Variants in SNTG1 observed in about 807,000 individuals in gnomAD.
The protein encoded by SNTG1 is gamma-1-syntrophin.
A neutral mutation model predicts 74.7 loss-of-function variants in SNTG1; 39 were observed. The ratio of observed to expected loss-of-function variants is 0.52; its 90% confidence interval spans 0.40 to 0.68. The LOEUF (loss-of-function observed/expected upper bound fraction) is 0.68. Among genes scored for constraint, SNTG1 ranks in the 30% least tolerant of loss-of-function variants. SNTG1 has a pLI of 0.00. For missense variants in SNTG1, 685 were observed against 609.5 expected, an observed-to-expected ratio of 1.12 and a Z score of -1.30; for synonymous variants, 254 against 217.1, an observed-to-expected ratio of 1.17 and a Z score of -1.49.
Position 50,125,318 on chromosome 8 carries a change from T to A in SNTG1, c.-102-47243T>A, listed in dbSNP as rs560388692. ...TCTAAATATAACTATAATCAACACT[T>A]GTTTTTCTTTCCTATAAACAGTATC... is the stretch of plus-strand genomic sequence containing the variant. On this transcript the variant is annotated intron_variant, in intron 1 of 18. Coordinates refer to ENST00000642720, the MANE Select transcript of SNTG1 (RefSeq NM_018967.5). 1.1e-4 allele frequency among the ~76,000 whole-genome samples: 16 copies of A among 142,820 alleles called. 3 individuals carry two copies. Among genetic ancestry groups the A allele is most frequent in the African/African-American group, 3.8e-4 (15 of 39,616 alleles). The allele number at this position is 142,820 out of a possible 152,430, so 93.7% of individuals were successfully genotyped here. A position where few individuals can be genotyped will look rare whatever the true frequency, so the allele number is the denominator to read the frequency against.
At chr8:50,558,441 G>A (rs1004034878) in intron 12 of SNTG1, among the ~76,000 whole-genome samples, 2 of 152,102 alleles carry the variant, frequency 1.3e-5, no homozygotes, top group Non-Finnish European at 2.9e-5. Flanking sequence ...GGGAGATAAA[G>A]GAAGCAAGAA....
intron 1 of SNTG1, among the ~76,000 whole-genome samples, chr8:50,126,949 C>T (rs1189511533): frequency 6.6e-6 from 1 of 152,050 alleles, no homozygotes. Context: ...TTGGAGGCAG[C>T]ATGCTTTTAC....
chr8:50,324,410 T>G (rs2090652908), intron 2 of SNTG1, among the ~76,000 whole-genome samples: 1 of 152,296 alleles, frequency 6.6e-6, no homozygotes, highest in Admixed American at 6.5e-5. Context: ...CTTTCCATAA[T>G]ATAAAGTTTA....
chr8:50,041,148 G>A lies in SNTG1; in HGVS notation c.-103+128917G>A, dbSNP rs945432882. ...CGACCTCAGATGATCCATCTGCCTC[G>A]GCCTCCCAAAGTGCTGGGATTACAG... On this transcript the variant is annotated intron_variant, in intron 1 of 18. Coordinates refer to ENST00000642720, the MANE Select transcript of SNTG1 (RefSeq NM_018967.5). 7.2e-5 allele frequency among the ~76,000 whole-genome samples: 11 copies of A among 151,986 alleles called. No individual in the cohort carries two copies. The South Asian group carries it at 8.3e-4, about 11-fold the overall frequency.
rs752720347 is a variant in SNTG1, at chr8:50,502,767, CT to C, written c.364-4del. 1.2e-6 allele frequency: 2 copies of C among 1,602,036 alleles called. No homozygotes were observed. Among genetic ancestry groups the C allele is most frequent in the South Asian group, 1.1e-5 (1 of 90,128 alleles). On this transcript the variant is annotated splice_polypyrimidine_tract_variant and intron_variant, in intron 8 of 18. Transcript: ENST00000642720. The stretch of plus-strand genomic sequence containing the variant: ...TAATGATGATTGTATTCTTTTTATT[CT>C]TTTTTTCAGGTTCAGGTTCTTCGGA...
At chr8:50,759,434 T>C (rs1232412418) in intron 18 of SNTG1, among the ~76,000 whole-genome samples, 1 of 152,122 alleles carries the variant, frequency 6.6e-6, no homozygotes, top group Non-Finnish European at 1.5e-5. Context: ...AGGGGTTTTA[T>C]GGTTTTAGGT....
intron 2 of SNTG1, among the ~76,000 whole-genome samples, chr8:50,266,997 CT>C (rs970639023): frequency 2.2e-4 from 33 of 150,550 alleles, no homozygotes; most frequent in African/African-American, 4.1e-4. Flanking sequence ...TTAAGACACC[CT>C]TTTTTTTTCA....
intron 1 of SNTG1, among the ~76,000 whole-genome samples, chr8:50,008,945 T>A (rs928621996): frequency 1.3e-5 from 2 of 152,202 alleles, no homozygotes; most frequent in African/African-American, 4.8e-5. Flanking sequence ...CTATCTTGAG[T>A]AATTTTCAAG....
chr8:50,231,654 T>C (rs777822124), intron 2 of SNTG1, among the ~76,000 whole-genome samples: 1 of 151,372 alleles, frequency 6.6e-6, no homozygotes, highest in Non-Finnish European at 1.5e-5. Context: ...TTCTCACTTA[T>C]ATATGAAATC....
At chr8:50,320,898 G>A (rs28866328) in intron 2 of SNTG1, among the ~76,000 whole-genome samples, 11,296 of 151,776 alleles carry the variant, frequency 0.074, 462 homozygotes, top group African/African-American at 0.1. Flanking sequence ...ATTTCATTTT[G>A]TTAAATGTTT....
At chr8:50,479,411 G>A (rs1563445566) in intron 8 of SNTG1, among the ~76,000 whole-genome samples, 1 of 152,044 alleles carries the variant, frequency 6.6e-6, no homozygotes, top group Non-Finnish European at 1.5e-5. Flanking sequence ...TGTGTTAACA[G>A]AAAAATGCTT....
intron 17 of SNTG1, among the ~76,000 whole-genome samples, chr8:50,744,158 A>T (rs1024810595): frequency 1.3e-5 from 2 of 152,000 alleles, no homozygotes; most frequent in African/African-American, 2.4e-5. Context: ...TTTCAACATG[A>T]GATTTAAGCG....
intron 2 of SNTG1, among the ~76,000 whole-genome samples, chr8:50,389,896 C>G (rs568690519): frequency 6.6e-6 from 1 of 152,342 alleles, no homozygotes; most frequent in South Asian, 2.1e-4. Flanking sequence ...TGAGAAGCAT[C>G]TGTTCATATC....
At chr8:50,046,840 C>T (rs966787378) in intron 1 of SNTG1, among the ~76,000 whole-genome samples, 22 of 152,114 alleles carry the variant, frequency 1.4e-4, no homozygotes, top group Non-Finnish European at 2.9e-5. Context: ...CTTTTACCTA[C>T]TAGAAGTTGA....
intron 16 of SNTG1, among the ~76,000 whole-genome samples, chr8:50,707,474 G>A (rs2131544519): frequency 6.6e-6 from 1 of 152,150 alleles, no homozygotes; most frequent in Non-Finnish European, 1.5e-5. Context: ...TTAAAAAAAT[G>A]TAACTCTAAA....
chr8:50,582,521 T>A (rs1171202020), intron 12 of SNTG1, among the ~76,000 whole-genome samples: 2 of 152,058 alleles, frequency 1.3e-5, no homozygotes, highest in African/African-American at 4.8e-5. Context: ...AATGTCACAT[T>A]TTTAGTGTGT....
At chr8:50,769,919 A>G (rs2095623050) in intron 18 of SNTG1, among the ~76,000 whole-genome samples, 1 of 152,142 alleles carries the variant, frequency 6.6e-6, no homozygotes, top group Non-Finnish European at 1.5e-5. Context: ...TTTAGCAGAG[A>G]TAGGCAATGT....
intron 1 of SNTG1, among the ~76,000 whole-genome samples, chr8:50,111,118 C>T (rs754925306): frequency 1.6e-4 from 23 of 148,212 alleles, no homozygotes; most frequent in Non-Finnish European, 3.5e-4. Context: ...CTACTCATTG[C>T]AACATCAATG....
chr8:50,606,827 A>G (rs1204715174), intron 13 of SNTG1, among the ~76,000 whole-genome samples: 7 of 150,990 alleles, frequency 4.6e-5, no homozygotes, highest in Non-Finnish European at 8.9e-5. Flanking sequence ...TAATAAATAT[A>G]CTGTGCCTTA....
Sources: allele counts gnomAD v4.1 joint callset (sites outside exome capture counted in the v4.1 genomes callset), GRCh38; gene constraint gnomAD v4.1.1; transcripts MANE v1.5; gene names NCBI Gene and HGNC (gene_info 2026-07-23, HGNC 2026-07-21).